Variants in NCKAP5 observed in about 807,000 individuals in gnomAD.
NCKAP5 encodes the protein nck-associated protein 5.
A neutral mutation model predicts 167.0 loss-of-function variants in NCKAP5; 92 were observed. The observed-to-expected ratio is 0.55, with a 90% CI of 0.47 to 0.66. NCKAP5 has a LOEUF of 0.66. Among genes scored for constraint, NCKAP5 ranks in the 30% least tolerant of loss-of-function variants. The pLI, the probability that NCKAP5 is intolerant of heterozygous loss-of-function variation, is 0.00. For synonymous variants in NCKAP5, 891 were observed against 877.4 expected (o/e 1.02, Z -0.27); for missense variants, 2,378 against 2,315.0 (o/e 1.03, Z -0.56).
chr2:133,504,975 C>T (rs1435246177), intron 3 of NCKAP5, among the ~76,000 whole-genome samples: 2 of 152,160 alleles, frequency 1.3e-5, no homozygotes, highest in Non-Finnish European at 2.9e-5. Context: ...AGGCATAAGA[C>T]AAACAAAGGA....
At chr2:133,348,544 C>T (rs2150803270) in intron 3 of NCKAP5, among the ~76,000 whole-genome samples, 1 of 152,170 alleles carries the variant, frequency 6.6e-6, no homozygotes, top group Admixed American at 6.5e-5. Flanking sequence ...TTTTCACATC[C>T]CCAAAGGCCC....
intron 4 of NCKAP5, among the ~76,000 whole-genome samples, chr2:133,252,320 T>C (rs1302149720): frequency 6.6e-6 from 1 of 152,246 alleles, no homozygotes; most frequent in Non-Finnish European, 1.5e-5. Context: ...GAAATCCATC[T>C]GCTCATGTTC....
chr2:133,441,083 GACAC>G (rs1690821108), intron 3 of NCKAP5, among the ~76,000 whole-genome samples: 1 of 131,576 alleles, frequency 7.6e-6, no homozygotes, highest in Non-Finnish European at 1.7e-5. Flanking sequence ...ACACCCTACA[GACAC>G]ACACACTCAC....
chr2:133,606,709 A>G, the NCKAP5 span, among the ~76,000 whole-genome samples: 1 of 113,036 alleles, frequency 8.8e-6, no homozygotes, highest in Non-Finnish European at 1.8e-5. Context: ...AATCTCTGCC[A>G]TAAAAGCTGG....
chr2:133,474,811 G>T (rs116469133), intron 3 of NCKAP5, among the ~76,000 whole-genome samples: 7,546 of 129,428 alleles, frequency 0.058, 255 homozygotes, highest in Non-Finnish European at 0.079. Context: ...TTTTTTTTTT[G>T]TTGTTGTTGT....
At chr2:133,594,697 G>C in the NCKAP5 span, among the ~76,000 whole-genome samples, 8 of 152,104 alleles carry the variant, frequency 5.3e-5, no homozygotes, top group Non-Finnish European at 1.0e-4. Flanking sequence ...TTCTTGCAGG[G>C]TTTTGTCAAG....
intron 5 of NCKAP5, among the ~76,000 whole-genome samples, chr2:133,183,475 A>G (rs1414405105): frequency 1.3e-5 from 2 of 152,160 alleles, no homozygotes; most frequent in Non-Finnish European, 2.9e-5. Context: ...GTCTAAAAAA[A>G]TCAACATCAA....
At chr2:133,562,055 A>T (rs1226081166) in intron 1 of NCKAP5, among the ~76,000 whole-genome samples, 1 of 152,144 alleles carries the variant, frequency 6.6e-6, no homozygotes, top group Non-Finnish European at 1.5e-5. Flanking sequence ...GTACAAAAAG[A>T]TATATTATAA....
intron 4 of NCKAP5, among the ~76,000 whole-genome samples, chr2:133,280,695 T>G (rs2089904490): frequency 6.6e-6 from 1 of 152,162 alleles, no homozygotes; most frequent in Non-Finnish European, 1.5e-5. Context: ...ATTTTTAAAA[T>G]TCATTCTAGA....
chr2:133,484,526 T>C (rs2151325371), intron 3 of NCKAP5, among the ~76,000 whole-genome samples: 1 of 152,208 alleles, frequency 6.6e-6, no homozygotes, highest in African/African-American at 2.4e-5. Context: ...ACAAGATGGA[T>C]TAATCCTAAT....
At chr2:133,004,135 AG>A (rs1198393697) in intron 6 of NCKAP5, among the ~76,000 whole-genome samples, 1 of 152,184 alleles carries the variant, frequency 6.6e-6, no homozygotes, top group African/African-American at 2.4e-5. Context: ...AGGGGGAGGG[AG>A]AAAGAATATC....
At chr2:133,021,273 A>C (rs1446538171) in intron 6 of NCKAP5, among the ~76,000 whole-genome samples, 2 of 152,200 alleles carry the variant, frequency 1.3e-5, no homozygotes, top group African/African-American at 4.8e-5. Flanking sequence ...TGGGTCCCCC[A>C]GGAAGGAGCG....
intron 6 of NCKAP5, among the ~76,000 whole-genome samples, chr2:133,019,079 C>T (rs2078440128): frequency 6.6e-6 from 1 of 152,174 alleles, no homozygotes; most frequent in Non-Finnish European, 1.5e-5. Context: ...CCTAATTCTT[C>T]TACTTTTCTA....
At chr2:133,350,833 T>C (rs1309699120) in intron 3 of NCKAP5, among the ~76,000 whole-genome samples, 1 of 151,988 alleles carries the variant, frequency 6.6e-6, no homozygotes, top group African/African-American at 2.4e-5. Flanking sequence ...CCTTTGCACA[T>C]GTTGTTGTCT....
the NCKAP5 span, among the ~76,000 whole-genome samples, chr2:133,601,539 G>A: frequency 2.0e-5 from 3 of 152,088 alleles, no homozygotes; most frequent in Non-Finnish European, 2.9e-5. Context: ...AGACCAGCCT[G>A]GCCAACATGG....
intron 6 of NCKAP5, among the ~76,000 whole-genome samples, chr2:133,021,450 T>A (rs2078524606): frequency 6.6e-6 from 1 of 152,244 alleles, no homozygotes; most frequent in Admixed American, 6.5e-5. Context: ...TGCTTATATC[T>A]AAAGCCTTGA....
At chr2:132,817,527 A>G (rs1056713403) in intron 11 of NCKAP5, among the ~76,000 whole-genome samples, 5 of 152,220 alleles carry the variant, frequency 3.3e-5, no homozygotes, top group African/African-American at 9.6e-5. Context: ...TAAAGAGGTT[A>G]ATTTGAACTT....
intron 5 of NCKAP5, among the ~76,000 whole-genome samples, chr2:133,134,028 T>C (rs1381161201): frequency 6.6e-6 from 1 of 152,196 alleles, no homozygotes; most frequent in Non-Finnish European, 1.5e-5. Flanking sequence ...ATGACACAAA[T>C]CTTAGGTTTG....
At chr2:133,378,480 T>G (rs1157826828) in intron 3 of NCKAP5, among the ~76,000 whole-genome samples, 1 of 152,240 alleles carries the variant, frequency 6.6e-6, no homozygotes, top group African/African-American at 2.4e-5. Context: ...TCAGCTTCTA[T>G]CTGCCAAGTT....
Sources: gnomAD v4.1 joint callset for allele counts (sites outside exome capture counted in the v4.1 genomes callset) on GRCh38, gnomAD v4.1.1 for gene constraint, MANE v1.5 for transcripts, NCBI Gene and HGNC (gene_info 2026-07-23, HGNC 2026-07-21) for gene names.